Variants in OLR1 observed in about 807,000 individuals in gnomAD.
OLR1 encodes the protein oxidized low-density lipoprotein receptor 1.
A neutral mutation model predicts 31.7 loss-of-function variants in OLR1; 23 were observed. The observed-to-expected ratio is 0.72, with a 90% CI of 0.52 to 1.03. The LOEUF (loss-of-function observed/expected upper bound fraction) is 1.03, where lower values mean the gene tolerates loss of function less well. Among genes scored for constraint, OLR1 ranks in the 50% least tolerant of loss-of-function variants. The pLI, the probability that OLR1 is intolerant of heterozygous loss-of-function variation, is 0.00. For missense variants in OLR1, 286 were observed against 315.7 expected (o/e 0.91, Z 0.71); for synonymous variants, 117 against 115.8 (o/e 1.01, Z -0.07).
upstream of OLR1, among the ~76,000 whole-genome samples, chr12:10,175,909 C>A (rs148504444): frequency 6.6e-6 from 1 of 152,166 alleles, no homozygotes; most frequent in East Asian, 1.9e-4. Flanking sequence ...TCAGTGGAAC[C>A]AGAAGTAAGC....
In OLR1 at chr12:10,159,468, A is replaced by T. The variant is rs904902879; in HGVS notation, c.*412T>A. 5.1e-5 allele frequency: 8 copies of T among 155,484 alleles called. No homozygotes were observed. The highest frequency in any genetic ancestry group is 1.7e-4 in the African/African-American group (7 of 41,460). 9.6% of individuals were successfully genotyped at this position (155,484 alleles called of 1,614,324 possible). A position where few individuals can be genotyped will look rare whatever the true frequency, so the allele number is the denominator to read the frequency against. ...TTTCTTCACGTGCACTTTTTCCCAG[A>T]CATATTTCCCCTTTTTGCTCTCTGC... On this transcript the variant is annotated 3_prime_UTR_variant, in exon 6 of 6. Coordinates refer to ENST00000309539, the MANE Select transcript of OLR1 (RefSeq NM_002543.4).
intron 1 of OLR1, among the ~76,000 whole-genome samples, chr12:10,169,787 A>G (rs186352579): frequency 6.6e-6 from 1 of 152,348 alleles, no homozygotes; most frequent in East Asian, 1.9e-4. Context: ...CTTGATATTA[A>G]TTTAGCTTAT....
At chr12:10,160,061 T>G in intron 5 of OLR1, 40 bp from the exon 6 acceptor site, 2 of 1,568,062 alleles carry the variant, frequency 1.3e-6, no homozygotes, top group Non-Finnish European at 1.7e-6. Context: ...ACAAAAAAAC[T>G]TAGGTTTACT....
rs1948727029 is a variant in OLR1 at position 10,172,104 on chromosome 12, A to G, written c.-27T>C. ...TCCAAATTCAAGCTAAGAATGAGAG[A>G]GTGAAGCAGTCACGAACTTCAACAA... On this transcript the variant is annotated 5_prime_UTR_variant, in exon 1 of 6. Transcript: ENST00000309539. 1 of 1,567,460 alleles carries G rather than the reference A, an allele frequency of 6.4e-7. No individual in the cohort carries two copies. The highest frequency in any genetic ancestry group is 8.8e-7 in the Non-Finnish European group (1 of 1,138,302).
chr12:10,162,172 T>C (rs2137505520), intron 3 of OLR1, among the ~76,000 whole-genome samples: 1 of 152,192 alleles, frequency 6.6e-6, no homozygotes, highest in East Asian at 1.9e-4. Context: ...ATCATCACTA[T>C]CATCACCATC....
At chr12:10,163,783 T>C (rs1170422311) in intron 3 of OLR1, among the ~76,000 whole-genome samples, 6 of 151,974 alleles carry the variant, frequency 3.9e-5, no homozygotes, top group African/African-American at 1.2e-4. Flanking sequence ...ATACAAAAAT[T>C]AGCTGGGCGT....
intron 3 of OLR1, among the ~76,000 whole-genome samples, chr12:10,163,828 G>A (rs1948639535): frequency 6.6e-6 from 1 of 152,108 alleles, no homozygotes; most frequent in Non-Finnish European, 1.5e-5. Context: ...CTACTCAGGA[G>A]GCTGAGGCAG....
rs35462284 is a variant in OLR1 at position 10,171,926 on chromosome 12, C to G, written c.76+76G>C. The G allele has an allele frequency of 2.2e-3, 2,381 of 1,087,878 alleles. 25 individuals carry two copies. Among genetic ancestry groups the G allele is most frequent in the African/African-American group, 0.017 (1,079 of 64,290 alleles). The allele number at this position is 1,087,878 out of a possible 1,614,324, so 67.4% of individuals were successfully genotyped here. A position where few individuals can be genotyped will look rare whatever the true frequency, so the allele number is the denominator to read the frequency against. Reference sequence around the variant, plus strand: ...TACTTGGGTGTTTAGCTTTCTAATCCCATTCTTCGGTGAATTTACATTTTG... The same window carrying G: ...TACTTGGGTGTTTAGCTTTCTAATCGCATTCTTCGGTGAATTTACATTTTG... On this transcript the variant is annotated intron_variant, in intron 1 of 5. Transcript: ENST00000309539.
chr12:10,176,120 A>T (rs1948763864), upstream of OLR1, among the ~76,000 whole-genome samples: 1 of 152,154 alleles, frequency 6.6e-6, no homozygotes, highest in African/African-American at 2.4e-5. Flanking sequence ...TATCCCAGCT[A>T]CCTGCCCTTC....
intron 1 of OLR1, among the ~76,000 whole-genome samples, chr12:10,171,292 CA>C (rs1188308975): frequency 3.9e-5 from 6 of 152,050 alleles, no homozygotes; most frequent in Non-Finnish European, 8.8e-5. Context: ...ATATTCTGTT[CA>C]TTTTCCTCAG....
In OLR1 at chr12:10,166,808, C is replaced by T; in HGVS notation, c.328G>A (p.Ala110Thr). 1 of 1,613,876 alleles carries T rather than the reference C, an allele frequency of 6.2e-7. No homozygotes were observed. Among genetic ancestry groups the T allele is most frequent in the Non-Finnish European group, 8.5e-7 (1 of 1,180,000 alleles). The part of the protein sequence containing the change: ...NELKEMIETL[A>T]RKLNEKSKEQ... The stretch of plus-strand genomic sequence containing the variant: ...TTGGATTTCTCATTCAGCTTCCGAG[C>T]AAGGGTTTCTATCATTTCCTTGAGT... Residue 110 changes from alanine to threonine, a missense_variant, in exon 3 of 6, where the codon GCT (alanine) becomes ACT (threonine). Coordinates refer to ENST00000309539, the MANE Select transcript of OLR1 (RefSeq NM_002543.4).
chr12:10,162,990 C>G (rs1310812756), intron 3 of OLR1, among the ~76,000 whole-genome samples: 6 of 151,458 alleles, frequency 4.0e-5, no homozygotes, highest in African/African-American at 1.5e-4. Context: ...CAAAAATAAA[C>G]AGAGTAAGTG....
chr12:10,168,948 G>A, intron 2 of OLR1, 126 bp downstream of exon 2: 2 of 538,200 alleles, frequency 3.7e-6, no homozygotes, highest in Non-Finnish European at 6.4e-6. Flanking sequence ...AAAACATTTT[G>A]CCTAAAATGA....
At chr12:10,172,703 C>A (rs1289426547), upstream of OLR1, among the ~76,000 whole-genome samples, 2 of 152,178 alleles carry the variant, frequency 1.3e-5, no homozygotes, top group Admixed American at 1.3e-4. Context: ...CAGCAGAGAG[C>A]ACTTTGAATG....
chr12:10,170,052 A>G (rs888863110), intron 1 of OLR1, among the ~76,000 whole-genome samples: 2 of 152,220 alleles, frequency 1.3e-5, no homozygotes, highest in East Asian at 3.8e-4. Context: ...GCAAATAAGG[A>G]GACTGAAAGG....
chr12:10,159,165 T>C lies in OLR1; in HGVS notation c.*715A>G, dbSNP rs1948598496. On this transcript the variant is annotated 3_prime_UTR_variant, in exon 6 of 6. Coordinates refer to ENST00000309539, the MANE Select transcript of OLR1 (RefSeq NM_002543.4). ...GGGTTAAATCTATTAATCTGTCCTC[T>C]GGTAGAAAAAAAAATGAAGAAATAA... is the stretch of plus-strand genomic sequence containing the variant. 1 of 152,074 alleles carries C rather than the reference T, an allele frequency of 6.6e-6. No homozygotes were observed. The highest frequency in any genetic ancestry group is 2.1e-4 in the South Asian group (1 of 4,830). The allele number at this position is 152,074 out of a possible 1,614,324, so 9.4% of individuals were successfully genotyped here. A position where few individuals can be genotyped will look rare whatever the true frequency, so the allele number is the denominator to read the frequency against.
chr12:10,171,585 G>A (rs1299743246), intron 1 of OLR1, among the ~76,000 whole-genome samples: 2 of 152,128 alleles, frequency 1.3e-5, no homozygotes, highest in African/African-American at 2.4e-5. Flanking sequence ...CGAGCCCTCC[G>A]ATGTATAGAA....
intron 3 of OLR1, among the ~76,000 whole-genome samples, chr12:10,166,255 C>A (rs528810074): frequency 6.6e-6 from 1 of 151,730 alleles, no homozygotes. Context: ...TGACCGAGAG[C>A]GGTGGCTCAT....
intron 3 of OLR1, among the ~76,000 whole-genome samples, chr12:10,163,016 A>G (rs1948632858): frequency 8.9e-6 from 1 of 112,122 alleles, no homozygotes; most frequent in African/African-American, 2.6e-5. Context: ...TGTGTTTGTT[A>G]AATTATATAA....
Sources: allele counts gnomAD v4.1 joint callset (sites outside exome capture counted in the v4.1 genomes callset), GRCh38; gene constraint gnomAD v4.1.1; transcripts MANE v1.5; gene names NCBI Gene and HGNC (gene_info 2026-07-23, HGNC 2026-07-21).